Variants in TMEM178B observed in about 807,000 individuals in gnomAD.
TMEM178B encodes transmembrane protein 178B.
In TMEM178B, 5 loss-of-function variants were observed where a neutral mutation model predicts 31.0. The observed-to-expected ratio is 0.16, with a 90% CI of 0.08 to 0.34. TMEM178B has a LOEUF of 0.34. TMEM178B is among the 10% of genes least tolerant of loss of function. The pLI is 1.00. For synonymous variants in TMEM178B, 164 were observed against 164.0 expected (o/e 1.00, Z 0.00); for missense variants, 275 against 400.3 (o/e 0.69, Z 2.67).
chr7:141,408,858 GA>G (rs1204076486), intron 2 of TMEM178B, among the ~76,000 whole-genome samples: 3 of 152,188 alleles, frequency 2.0e-5, no homozygotes, highest in African/African-American at 7.2e-5. Context: ...TTATTCCTAA[GA>G]AACAGCTGGT....
intron 2 of TMEM178B, among the ~76,000 whole-genome samples, chr7:141,368,536 A>T (rs757493760): frequency 2.3e-4 from 35 of 152,178 alleles, no homozygotes; most frequent in African/African-American, 8.4e-4. Context: ...AAAATTTTGC[A>T]CTGTTAAAAG....
chr7:141,289,855 C>T (rs1325105398), intron 2 of TMEM178B, among the ~76,000 whole-genome samples: 1 of 151,934 alleles, frequency 6.6e-6, no homozygotes, highest in African/African-American at 2.4e-5. Context: ...ACAAAGTTGG[C>T]CAGGCATGGT....
chr7:141,086,992 A>G (rs1794799349), intron 1 of TMEM178B, among the ~76,000 whole-genome samples: 1 of 152,056 alleles, frequency 6.6e-6, no homozygotes, highest in Non-Finnish European at 1.5e-5. Flanking sequence ...CTGGCCTGAT[A>G]TTTTGTTTTT....
chr7:141,312,647 A>G (rs113758074), intron 2 of TMEM178B, among the ~76,000 whole-genome samples: 1 of 152,218 alleles, frequency 6.6e-6, no homozygotes, highest in East Asian at 1.9e-4. Context: ...CAAAGGTCAC[A>G]TATTCCAAAA....
At chr7:141,281,150 C>A (rs1212912327) in intron 2 of TMEM178B, among the ~76,000 whole-genome samples, 3 of 152,014 alleles carry the variant, frequency 2.0e-5, no homozygotes, top group Admixed American at 2.0e-4. Context: ...GTGATAACTC[C>A]AGCTATTAGT....
intron 1 of TMEM178B, among the ~76,000 whole-genome samples, chr7:141,208,200 T>C (rs1796996552): frequency 5.4e-5 from 1 of 18,530 alleles, no homozygotes; most frequent in Non-Finnish European, 1.5e-4. Context: ...CTCTTTTAAA[T>C]AAATAAATAA....
intron 2 of TMEM178B, among the ~76,000 whole-genome samples, chr7:141,285,044 G>C (rs1205004615): frequency 2.1e-5 from 3 of 144,292 alleles, no homozygotes; most frequent in Non-Finnish European, 3.0e-5. Context: ...AAAAGTGTAT[G>C]TGAAAGCTCT....
rs1053274440 is a variant in TMEM178B, at chr7:141,074,869, A to C, written c.382+177A>C. Among the ~76,000 whole-genome samples, 5 of 152,170 alleles carry C rather than the reference A, an allele frequency of 3.3e-5. No individual in the cohort carries two copies. The highest frequency in any genetic ancestry group is 3.3e-4 in the Admixed American group (5 of 15,290). Reference sequence around the variant, plus strand: ...ACTTGCCTCCCAATAGCTGTTAATGAAGCTTGGTGCAGGCTTAACTCTCTC... The same window carrying C: ...ACTTGCCTCCCAATAGCTGTTAATGCAGCTTGGTGCAGGCTTAACTCTCTC... On this transcript the variant is annotated intron_variant, in intron 1 of 3. Transcript: ENST00000565468. This position sits in a 1 kb window ranked among gnomAD's most constrained non-coding sequence, Gnocchi z 5.1.
the TMEM178B span, among the ~76,000 whole-genome samples, chr7:141,497,196 A>G: frequency 2.9e-3 from 443 of 152,318 alleles, 4 homozygotes; most frequent in African/African-American, 1.0e-2. Context: ...GTTTTCACAG[A>G]GAGAGACCTC....
At position 141,334,790 on chromosome 7, in the gene TMEM178B, A is replaced by G. The variant is rs906147590; in HGVS notation, c.497-102818A>G. Among the ~76,000 whole-genome samples the G allele has an allele frequency of 6.4e-4, 97 of 152,290 alleles. 1 individual carries two copies. The highest frequency in any genetic ancestry group is 2.3e-3 in the African/African-American group (94 of 41,568). On this transcript the variant is annotated intron_variant, in intron 2 of 3. Coordinates refer to ENST00000565468, the MANE Select transcript of TMEM178B (RefSeq NM_001195278.2). ...GGAGAGCACTTGATCCAGGTAATTA[A>G]AAGTGTCAGCTCCTTATCCAGGAGA...
chr7:141,233,202 A>G (rs1205837059), intron 2 of TMEM178B, among the ~76,000 whole-genome samples: 1 of 152,214 alleles, frequency 6.6e-6, no homozygotes, highest in East Asian at 1.9e-4. Context: ...GTGCTTGTCT[A>G]TGCTAGGGCA....
the TMEM178B span, among the ~76,000 whole-genome samples, chr7:141,499,351 C>A: frequency 6.7e-6 from 1 of 150,132 alleles, no homozygotes; most frequent in African/African-American, 2.5e-5. Flanking sequence ...AAGACGGCTG[C>A]ATGTTGTGGC....
chr7:141,132,369 A>G (rs1795607976), intron 1 of TMEM178B, among the ~76,000 whole-genome samples: 1 of 152,222 alleles, frequency 6.6e-6, no homozygotes, highest in Non-Finnish European at 1.5e-5. Context: ...GCTGGCACAT[A>G]ATAAATATTT....
chr7:141,499,655 A>G, the TMEM178B span, among the ~76,000 whole-genome samples: 1 of 151,898 alleles, frequency 6.6e-6, no homozygotes, highest in East Asian at 1.9e-4. Context: ...ACCAACAAAA[A>G]AACCCCACAA....
chr7:141,165,119 T>C (rs1401321983), intron 1 of TMEM178B, among the ~76,000 whole-genome samples: 2 of 152,176 alleles, frequency 1.3e-5, no homozygotes, highest in Non-Finnish European at 2.9e-5. Flanking sequence ...AATGCAGAAA[T>C]TAACATTGGT....
chr7:141,496,283 AC>A, the TMEM178B span, among the ~76,000 whole-genome samples: 1 of 152,038 alleles, frequency 6.6e-6, no homozygotes, highest in Non-Finnish European at 1.5e-5. Flanking sequence ...CAGCTCTTGA[AC>A]TTTTCCCCTT....
At position 141,406,406 on chromosome 7, in the gene TMEM178B, T is replaced by C. The variant is rs557873142; in HGVS notation, c.497-31202T>C. ...CCTAATCCTCTCTCCCAGATTATGA[T>C]AGAGTTGGATGTGAAATAAAAACTC... On this transcript the variant is annotated intron_variant, in intron 2 of 3. Coordinates refer to ENST00000565468, the MANE Select transcript of TMEM178B (RefSeq NM_001195278.2). 3.3e-5 allele frequency among the ~76,000 whole-genome samples: 5 copies of C among 152,328 alleles called. No individual in the cohort carries two copies. The East Asian group carries it at 9.6e-4, about 29-fold the overall frequency.
intron 1 of TMEM178B, among the ~76,000 whole-genome samples, chr7:141,156,863 C>T (rs1469450502): frequency 1.3e-5 from 2 of 152,172 alleles, no homozygotes; most frequent in Admixed American, 1.3e-4. Context: ...CAGATCATTT[C>T]TCCAGCCTGG....
chr7:141,224,988 C>A (rs1797317580), intron 2 of TMEM178B, among the ~76,000 whole-genome samples: 1 of 152,206 alleles, frequency 6.6e-6, no homozygotes, highest in African/African-American at 2.4e-5. Flanking sequence ...GGTTGACAGC[C>A]TTTCTAGAAC....
Sources: allele counts gnomAD v4.1 joint callset (sites outside exome capture counted in the v4.1 genomes callset), GRCh38; gene constraint gnomAD v4.1.1; non-coding constraint Gnocchi (gnomAD v3.1); transcripts MANE v1.5; gene names NCBI Gene and HGNC (gene_info 2026-07-23, HGNC 2026-07-21).